Variants in AGBL1 observed in about 807,000 individuals in gnomAD.
AGBL1 encodes cytosolic carboxypeptidase 4.
In AGBL1, 130 loss-of-function variants were observed where a neutral mutation model predicts 118.9. That is an observed-to-expected ratio of 1.09 (90% CI 0.95 to 1.26). The LOEUF is 1.26. Ranked by LOEUF, AGBL1 falls within the 50% of genes most tolerant of loss-of-function variation. AGBL1 has a pLI of 0.00. For missense variants in AGBL1, 1,584 were observed against 1,298.1 expected (o/e 1.22, Z -3.38); for synonymous variants, 555 against 478.9 (o/e 1.16, Z -2.08).
At chr15:86,268,532 C>G (rs7171764) in intron 13 of AGBL1, among the ~76,000 whole-genome samples, 106,216 of 152,104 alleles carry the variant, frequency 0.7, 38,323 homozygotes, top group African/African-American at 0.85. Flanking sequence ...GGACCAGAGT[C>G]TAAAATCCTA....
intron 22 of AGBL1, among the ~76,000 whole-genome samples, chr15:86,785,664 G>A (rs72750022): frequency 5.0e-4 from 76 of 152,118 alleles, no homozygotes; most frequent in Non-Finnish European, 8.4e-4. Flanking sequence ...CACCATGCTC[G>A]GCCCGAGATG....
At chr15:86,596,582 G>T (rs2084407772) in intron 21 of AGBL1, among the ~76,000 whole-genome samples, 1 of 152,040 alleles carries the variant, frequency 6.6e-6, no homozygotes, top group South Asian at 2.1e-4. Context: ...ACACCTGGTG[G>T]ACTTCTCTCT....
intron 23 of AGBL1, among the ~76,000 whole-genome samples, chr15:86,963,803 C>T (rs1220459482): frequency 2.0e-5 from 3 of 151,872 alleles, no homozygotes; most frequent in African/African-American, 7.2e-5. Flanking sequence ...CCTCTGAAGG[C>T]AGTAGCTTCC....
intron 22 of AGBL1, among the ~76,000 whole-genome samples, chr15:86,690,532 A>T (rs1202182808): frequency 1.3e-5 from 2 of 152,168 alleles, no homozygotes; most frequent in African/African-American, 4.8e-5. Context: ...ATTCCTTATT[A>T]ACATGGGTAA....
At chr15:86,549,909 GA>G (rs1158940844) in intron 20 of AGBL1, among the ~76,000 whole-genome samples, 1 of 150,398 alleles carries the variant, frequency 6.6e-6, no homozygotes, top group Non-Finnish European at 1.5e-5. Context: ...AGGGAGGAAG[GA>G]AGGAAGGAAG....
intron 5 of AGBL1, among the ~76,000 whole-genome samples, chr15:86,206,397 C>T (rs2077992558): frequency 6.6e-6 from 1 of 152,142 alleles, no homozygotes; most frequent in African/African-American, 2.4e-5. Flanking sequence ...ATACTGTCTT[C>T]CAAAATGGTT....
At chr15:86,262,926 C>A in intron 10 of AGBL1, 32 bp downstream of exon 10, 1 of 1,507,018 alleles carries the variant, frequency 6.6e-7, no homozygotes, top group Non-Finnish European at 9.1e-7. Flanking sequence ...TGATCTTTGA[C>A]GATGCATGAT....
chr15:86,517,282 C>G (rs2083133201), intron 18 of AGBL1, among the ~76,000 whole-genome samples: 1 of 152,204 alleles, frequency 6.6e-6, no homozygotes, highest in African/African-American at 2.4e-5. Flanking sequence ...GTAGAAAGCA[C>G]TGCTTCTTTC....
intron 5 of AGBL1, among the ~76,000 whole-genome samples, chr15:86,164,253 T>C (rs1324677146): frequency 6.6e-6 from 1 of 152,150 alleles, no homozygotes. Flanking sequence ...TAAACTTTTC[T>C]GGGGGTGCTT....
intron 7 of AGBL1, among the ~76,000 whole-genome samples, chr15:86,252,032 T>C (rs1024613566): frequency 1.3e-5 from 2 of 152,202 alleles, no homozygotes; most frequent in Non-Finnish European, 2.9e-5. Context: ...CCTAGAGGAA[T>C]TGTTAAAACA....
At chr15:86,775,687 G>GT (rs2078245587) in intron 22 of AGBL1, among the ~76,000 whole-genome samples, 1 of 151,966 alleles carries the variant, frequency 6.6e-6, no homozygotes, top group Non-Finnish European at 1.5e-5. Context: ...TCATGCAGTG[G>GT]TAAATACTTA....
chr15:86,380,277 C>CG (rs1200174836), intron 17 of AGBL1, among the ~76,000 whole-genome samples: 1 of 82,650 alleles, frequency 1.2e-5, no homozygotes, highest in Non-Finnish European at 2.2e-5. Context: ...TCCTTCCTTC[C>CG]TTTTTTTTTT....
intron 22 of AGBL1, among the ~76,000 whole-genome samples, chr15:86,684,584 G>A (rs2086021547): frequency 6.6e-6 from 1 of 151,880 alleles, no homozygotes; most frequent in African/African-American, 2.4e-5. Context: ...GCCTCCCAAA[G>A]TGCTGGGATT....
At chr15:86,826,438 C>T (rs1405513392) in intron 22 of AGBL1, among the ~76,000 whole-genome samples, 2 of 152,002 alleles carry the variant, frequency 1.3e-5, no homozygotes, top group Non-Finnish European at 2.9e-5. Flanking sequence ...TAAAATTTAC[C>T]ATCTGATAAT....
chr15:86,646,240 T>C (rs1189367890), intron 21 of AGBL1, among the ~76,000 whole-genome samples: 1 of 152,170 alleles, frequency 6.6e-6, no homozygotes, highest in Non-Finnish European at 1.5e-5. Flanking sequence ...TCCATGTAAA[T>C]GGTTCTGCAG....
In AGBL1 at chr15:86,158,922, G is replaced by A. The variant is rs780777593; in HGVS notation, c.395-11G>A. 4 of 1,612,546 alleles carry A rather than the reference G, an allele frequency of 2.5e-6. No homozygotes were observed. Among genetic ancestry groups the A allele is most frequent in the Non-Finnish European group, 2.5e-6 (3 of 1,178,822 alleles). ...TTGTGACCATAACTACTGTGCTTTTGTTTTTCTTAGTCTCCATGGGAGCCA... is the reference window on the plus strand; with the variant it reads ...TTGTGACCATAACTACTGTGCTTTTATTTTTCTTAGTCTCCATGGGAGCCA... On this transcript the variant is annotated splice_polypyrimidine_tract_variant and intron_variant, in intron 4 of 22. Coordinates refer to ENST00000614907, the MANE Select transcript of AGBL1 (RefSeq NM_001386094.1).
intron 4 of AGBL1, among the ~76,000 whole-genome samples, chr15:86,156,014 C>T (rs1245346038): frequency 1.3e-5 from 2 of 151,970 alleles, no homozygotes; most frequent in Non-Finnish European, 1.5e-5. Context: ...CTCTGCCTCC[C>T]AGGTTCAAGC....
chr15:86,972,355 A>G (rs958670982), intron 23 of AGBL1, among the ~76,000 whole-genome samples: 2 of 152,070 alleles, frequency 1.3e-5, no homozygotes, highest in African/African-American at 4.8e-5. Flanking sequence ...GTGAAATTCT[A>G]GTAGGTCTGA....
At chr15:86,706,136 G>C (rs1014686488) in intron 22 of AGBL1, among the ~76,000 whole-genome samples, 4 of 151,714 alleles carry the variant, frequency 2.6e-5, no homozygotes, top group African/African-American at 9.7e-5. Context: ...TTGTCTATAT[G>C]GATTATGAAT....
Sources: gnomAD v4.1 joint callset for allele counts (sites outside exome capture counted in the v4.1 genomes callset) on GRCh38, gnomAD v4.1.1 for gene constraint, MANE v1.5 for transcripts, NCBI Gene and HGNC (gene_info 2026-07-23, HGNC 2026-07-21) for gene names.